KIF13B: variants seen among roughly 807,000 people sequenced by gnomAD.
KIF13B encodes kinesin family member 13B, also known as kinesin-like protein KIF13B.
KIF13B carries 127 observed loss-of-function variants against 222.0 expected under a neutral mutation model. That is an observed-to-expected ratio of 0.57 (90% CI 0.50 to 0.66). KIF13B has a LOEUF of 0.66. Ranked by LOEUF, KIF13B falls within the 30% of genes least tolerant of loss-of-function variation. The pLI, the probability that KIF13B is intolerant of heterozygous loss-of-function variation, is 0.00. For synonymous variants in KIF13B, 976 were observed against 919.0 expected (o/e 1.06, Z -1.12); for missense variants, 2,173 against 2,379.0 (o/e 0.91, Z 1.80).
intron 29 of KIF13B, among the ~76,000 whole-genome samples, chr8:29,121,153 G>A (rs1285530173): frequency 6.6e-6 from 1 of 150,468 alleles, no homozygotes; most frequent in African/African-American, 2.5e-5. Flanking sequence ...CAGATTCAAT[G>A]CCATCCCCAT....
intron 37 of KIF13B, among the ~76,000 whole-genome samples, chr8:29,083,705 C>T (rs1056399007): frequency 1.3e-5 from 2 of 152,132 alleles, no homozygotes; most frequent in Non-Finnish European, 2.9e-5. Context: ...CTAAAAACTC[C>T]TCCCTAAACT....
intron 2 of KIF13B, among the ~76,000 whole-genome samples, chr8:29,239,847 G>A (rs192032806): frequency 1.6e-4 from 25 of 152,120 alleles, no homozygotes; most frequent in Non-Finnish European, 3.4e-4. Flanking sequence ...ATTTTTAGTA[G>A]AGACGGGGTT....
intron 2 of KIF13B, among the ~76,000 whole-genome samples, chr8:29,211,441 C>CAGAACA (rs145594267): frequency 6.6e-6 from 1 of 152,018 alleles, no homozygotes; most frequent in African/African-American, 2.4e-5. Flanking sequence ...AGATACTTTC[C>CAGAACA]TGGCCCAGGC....
At chr8:29,093,690 TG>T (rs1185940171) in intron 36 of KIF13B, among the ~76,000 whole-genome samples, 1 of 152,020 alleles carries the variant, frequency 6.6e-6, no homozygotes. Context: ...AGTTGGTAAA[TG>T]GATGGATACA....
chr8:29,198,677 A>G (rs1158170864), intron 2 of KIF13B, among the ~76,000 whole-genome samples: 2 of 152,204 alleles, frequency 1.3e-5, no homozygotes, highest in East Asian at 3.8e-4. Context: ...CAGCAACCCC[A>G]CTATGGGTAT....
At position 29,127,248 on chromosome 8, in the gene KIF13B, T is replaced by C. The variant is rs1441727260; in HGVS notation, c.3096A>G (p.Gln1032=). Reference sequence around the variant, plus strand: ...ATTCCTGCACTGACTTCACTTCGACTTGAACTCTCCGGGACTGCCCCTGGG... The same window carrying C: ...ATTCCTGCACTGACTTCACTTCGACCTGAACTCTCCGGGACTGCCCCTGGG... ...QLRQGQSRRV[Q]VEVKSVQESG... Residue 1032 remains glutamine (Q), a synonymous_variant, in exon 25 of 40, where the codon CAA becomes CAG. Coordinates refer to ENST00000524189, the MANE Select transcript of KIF13B (RefSeq NM_015254.4). 2 of 1,613,944 alleles carry C rather than the reference T, an allele frequency of 1.2e-6. No individual in the cohort carries two copies. Among genetic ancestry groups the C allele is most frequent in the South Asian group, 2.2e-5 (2 of 91,080 alleles).
chr8:29,165,909 T>TTGTAGATCGAAGTACCTCGAC (rs1811977276), intron 11 of KIF13B, 137 bp from the exon 12 acceptor site: 5 of 528,286 alleles, frequency 9.5e-6, no homozygotes, highest in African/African-American at 4.3e-5. Context: ...TCTACTTCGA[T>TTGTAGATCGAAGTACCTCGAC]TGTAGATCGA....
chr8:29,182,525 A>G (rs972760375), intron 6 of KIF13B, among the ~76,000 whole-genome samples: 2 of 152,198 alleles, frequency 1.3e-5, no homozygotes, highest in Non-Finnish European at 2.9e-5. Context: ...GGAGGAGGGA[A>G]GTATGATCAT....
At chr8:29,105,279 C>CTT (rs1809002702) in intron 35 of KIF13B, among the ~76,000 whole-genome samples, 1 of 152,182 alleles carries the variant, frequency 6.6e-6, no homozygotes, top group African/African-American at 2.4e-5. Context: ...CCTGTACACT[C>CTT]TGAGCTTGAC....
chr8:29,135,047 AGATTGATTTGTT>A (rs1420253125), intron 21 of KIF13B, among the ~76,000 whole-genome samples: 1 of 152,048 alleles, frequency 6.6e-6, no homozygotes, highest in African/African-American at 2.4e-5. Context: ...GGGCAGCATT[AGATTGATTTGTT>A]TTTGAGCCAG....
chr8:29,078,501 G>C (rs1309615217), intron 37 of KIF13B, among the ~76,000 whole-genome samples: 2 of 152,110 alleles, frequency 1.3e-5, no homozygotes, highest in Non-Finnish European at 2.9e-5. Flanking sequence ...AAGTTTTCAA[G>C]TGTGTCTGTT....
At chr8:29,195,827 C>T (rs1233278979) in intron 3 of KIF13B, among the ~76,000 whole-genome samples, 3 of 152,106 alleles carry the variant, frequency 2.0e-5, no homozygotes, top group Admixed American at 6.5e-5. Context: ...CTTGAGGCCG[C>T]GCAGGTTTCT....
rs757567413 is a variant in KIF13B at position 29,132,363 on chromosome 8, G to A, written c.2887C>T (p.Pro963Ser). Reference protein sequence around the residue: ...GHKINDPRKNPALWDLGIIQA... With the variant: ...GHKINDPRKNSALWDLGIIQA... Reference sequence around the variant, plus strand: ...ATGATTCCCAAATCCCACAGGGCGGGGTTTTTCCGGGGATCGTTTATTTTA... The same window carrying A: ...ATGATTCCCAAATCCCACAGGGCGGAGTTTTTCCGGGGATCGTTTATTTTA... Residue 963 changes from proline (P) to serine (S), a missense_variant, in exon 23 of 40, where the codon CCC (proline) becomes TCC (serine). Around this residue, in one of 2 missense-constraint regions of KIF13B, gnomAD observed 1,480 missense variants for 1,722.8 expected, o/e 0.86. Transcript: ENST00000524189. 5.0e-6 allele frequency: 8 copies of A among 1,591,770 alleles called. 1 individual carries two copies. The South Asian group carries it at 9.1e-5, about 18-fold the overall frequency.
At chr8:29,153,502 C>T (rs897094832) in intron 14 of KIF13B, among the ~76,000 whole-genome samples, 10 of 49,310 alleles carry the variant, frequency 2.0e-4, no homozygotes, top group East Asian at 4.6e-4. Context: ...TTTGGAAGGG[C>T]GGGAAATAAT....
intron 18 of KIF13B, among the ~76,000 whole-genome samples, chr8:29,143,107 G>C (rs1418998039): frequency 6.6e-6 from 1 of 152,112 alleles, no homozygotes; most frequent in Non-Finnish European, 1.5e-5. Flanking sequence ...CCCTGCTTCA[G>C]CCTCCCAAAG....
intron 36 of KIF13B, among the ~76,000 whole-genome samples, chr8:29,094,411 A>T (rs1808430304): frequency 6.6e-6 from 1 of 152,368 alleles, no homozygotes; most frequent in East Asian, 1.9e-4. Flanking sequence ...ACCAATAAAA[A>T]ATAAATGACT....
chr8:29,117,131 G>A (rs1809641466), intron 30 of KIF13B, 124 bp from the exon 31 acceptor site: 1 of 719,760 alleles, frequency 1.4e-6, no homozygotes. Context: ...GTTCTACTAT[G>A]ACAGCTGCCC....
chr8:29,155,927 A>G (rs777824325), intron 13 of KIF13B, 71 bp from the exon 14 acceptor site: 9 of 1,257,632 alleles, frequency 7.2e-6, no homozygotes, highest in Admixed American at 2.0e-5. Context: ...ATTTACACTG[A>G]GCCCTCTTAT....
intron 6 of KIF13B, among the ~76,000 whole-genome samples, chr8:29,182,728 A>G (rs1812763487): frequency 6.6e-6 from 1 of 152,062 alleles, no homozygotes; most frequent in Non-Finnish European, 1.5e-5. Flanking sequence ...AATAATATAA[A>G]CCAAAAATAT....
Sources: allele counts gnomAD v4.1 joint callset (sites outside exome capture counted in the v4.1 genomes callset), GRCh38; gene constraint gnomAD v4.1.1; regional missense constraint gnomAD v4.1.1; transcripts MANE v1.5; gene names NCBI Gene and HGNC (gene_info 2026-07-23, HGNC 2026-07-21).